MEIS2: variants seen among roughly 807,000 people sequenced by gnomAD.
MEIS2 encodes the protein Meis homeobox 2.
Under a neutral mutation model 58.6 loss-of-function variants are expected in MEIS2, and 9 were observed. The ratio of observed to expected loss-of-function variants is 0.15; its 90% CI spans 0.09 to 0.27. The LOEUF is 0.27. Among genes scored for constraint, MEIS2 ranks in the 10% least tolerant of loss-of-function variants. The probability of loss-of-function intolerance (pLI) is 1.00; values close to 1 mark genes in which losing one functional copy is unlikely to be tolerated. For synonymous variants in MEIS2, 221 were observed against 228.4 expected (o/e 0.97, Z 0.29); for missense variants, 427 against 635.0 (o/e 0.67, Z 3.52).
chr15:36,986,039 C>A (rs2060082618), intron 8 of MEIS2, among the ~76,000 whole-genome samples: 1 of 152,130 alleles, frequency 6.6e-6, no homozygotes, highest in Non-Finnish European at 1.5e-5. Flanking sequence ...CTTGTGTTTT[C>A]ATGGGCATTG....
At chr15:36,896,865 T>C in intron 9 of MEIS2, 179 bp from the exon 10 acceptor site, 1 of 589,854 alleles carries the variant, frequency 1.7e-6, no homozygotes, top group South Asian at 2.2e-5. Context: ...ATCTCCGTCG[T>C]CACTGCGTAG....
At chr15:36,944,477 C>T (rs1673213369) in intron 9 of MEIS2, among the ~76,000 whole-genome samples, 1 of 152,046 alleles carries the variant, frequency 6.6e-6, no homozygotes, top group Non-Finnish European at 1.5e-5. Context: ...TCTAGTTTAG[C>T]AAAAGACTTC....
intron 7 of MEIS2, among the ~76,000 whole-genome samples, chr15:37,083,331 A>G (rs1011854087): frequency 1.3e-5 from 2 of 152,222 alleles, no homozygotes; most frequent in Non-Finnish European, 2.9e-5. Flanking sequence ...TTCCAGAGCT[A>G]ATAAGAACAG....
At chr15:36,900,647 T>A (rs2056420555) in intron 9 of MEIS2, among the ~76,000 whole-genome samples, 1 of 152,194 alleles carries the variant, frequency 6.6e-6, no homozygotes, top group African/African-American at 2.4e-5. Flanking sequence ...ATCACTGTAA[T>A]CTCATCTTAC....
At chr15:37,079,324 T>G (rs1179601280) in intron 7 of MEIS2, among the ~76,000 whole-genome samples, 1 of 152,016 alleles carries the variant, frequency 6.6e-6, no homozygotes, top group African/African-American at 2.4e-5. Flanking sequence ...CTAGGAAAAA[T>G]AAAAGTTAGA....
chr15:37,080,968 G>C (rs753228818), intron 7 of MEIS2, among the ~76,000 whole-genome samples: 92 of 152,104 alleles, frequency 6.0e-4, no homozygotes, highest in Non-Finnish European at 9.6e-4. Flanking sequence ...TTTCACCTGT[G>C]TAACTGTAGC....
At chr15:37,058,555 T>C (rs1888758661) in intron 7 of MEIS2, among the ~76,000 whole-genome samples, 1 of 152,200 alleles carries the variant, frequency 6.6e-6, no homozygotes, top group East Asian at 1.9e-4. Flanking sequence ...AGACACTCAG[T>C]TGTCAAAAGG....
chr15:36,996,473 T>G (rs982036220), intron 8 of MEIS2, among the ~76,000 whole-genome samples: 2 of 152,184 alleles, frequency 1.3e-5, no homozygotes, highest in African/African-American at 4.8e-5. Flanking sequence ...TAGTGGCAGA[T>G]TTGAATACAA....
At chr15:37,033,775 G>T (rs758474678) in intron 8 of MEIS2, among the ~76,000 whole-genome samples, 18 of 152,096 alleles carry the variant, frequency 1.2e-4, no homozygotes, top group Non-Finnish European at 2.1e-4. Context: ...TTAACATGTC[G>T]CTAGTTAGGG....
At chr15:36,994,458 T>C (rs997925544) in intron 8 of MEIS2, among the ~76,000 whole-genome samples, 10 of 152,192 alleles carry the variant, frequency 6.6e-5, no homozygotes, top group Admixed American at 2.0e-4. Context: ...CTTGGGAACT[T>C]TTCCCTCTAA....
intron 7 of MEIS2, among the ~76,000 whole-genome samples, chr15:37,065,586 A>G (rs1889822586): frequency 6.6e-6 from 1 of 152,202 alleles, no homozygotes; most frequent in South Asian, 2.1e-4. Flanking sequence ...CCAGATAAAA[A>G]CAAGATGCTA....
chr15:36,949,072 A>G (rs1220073032), intron 9 of MEIS2, among the ~76,000 whole-genome samples: 2 of 151,996 alleles, frequency 1.3e-5, no homozygotes, highest in African/African-American at 4.8e-5. Flanking sequence ...GTACAGCACT[A>G]GGCATGAAAA....
At chr15:37,098,561 A>T in intron 1 of MEIS2, 1 of 334,884 alleles carries the variant, frequency 3.0e-6, no homozygotes, top group Non-Finnish European at 4.4e-6. Context: ...ATGAAAAAGC[A>T]TGAACCAAGA....
At chr15:37,049,385 A>C (rs2062812929) in intron 7 of MEIS2, among the ~76,000 whole-genome samples, 1 of 152,192 alleles carries the variant, frequency 6.6e-6, no homozygotes. Flanking sequence ...AACTTTGTGA[A>C]TATATTAAAA....
chr15:36,982,118 A>G (rs998961078), intron 8 of MEIS2, among the ~76,000 whole-genome samples: 1 of 152,296 alleles, frequency 6.6e-6, no homozygotes, highest in Non-Finnish European at 1.5e-5. Context: ...TGCACAAGCC[A>G]ATTCACACAA....
At chr15:36,956,324 T>C (rs1169295869) in intron 8 of MEIS2, among the ~76,000 whole-genome samples, 2 of 152,074 alleles carry the variant, frequency 1.3e-5, no homozygotes, top group Non-Finnish European at 2.9e-5. Context: ...TTGGCTTTGG[T>C]AAGAGTTGGG....
Position 37,036,390 on chromosome 15 carries a change from CTTTTT to C in MEIS2, c.900+419_900+423del, listed in dbSNP as rs80180193. On this transcript the variant is annotated intron_variant, in intron 8 of 11. Transcript: ENST00000561208. ...GCTTGGACATGCATGTGGCAAGGTG[CTTTTT>C]TTTTTTTTTTTTTGGCCTCCTAGAG... 15 of 118,150 alleles carry C rather than the reference CTTTTT, an allele frequency of 1.3e-4. No individual in the cohort carries two copies. In the East Asian group the frequency reaches 2.2e-3, roughly 17 times the overall value. 7.3% of individuals were successfully genotyped at this position (118,150 alleles called of 1,614,324 possible).
chr15:37,011,344 G>C (rs2061145068), intron 8 of MEIS2, among the ~76,000 whole-genome samples: 1 of 152,126 alleles, frequency 6.6e-6, no homozygotes, highest in Admixed American at 6.6e-5. Context: ...TTGGATATAA[G>C]TCCAAGATAG....
rs143149782 is a variant in MEIS2 at position 36,938,692 on chromosome 15, G to C, written c.977+11632C>G. Reference sequence around the variant, plus strand: ...TTTTTCCTCTCACTTGCTTTGGCTAGACTTTTATTTTCAGTTCACAGGCTT... The same window carrying C: ...TTTTTCCTCTCACTTGCTTTGGCTACACTTTTATTTTCAGTTCACAGGCTT... On this transcript the variant is annotated intron_variant, in intron 9 of 11. Transcript: ENST00000561208. Among the ~76,000 whole-genome samples, 503 of 152,236 alleles carry C rather than the reference G, an allele frequency of 3.3e-3. 4 individuals are homozygous for C. Among genetic ancestry groups the C allele is most frequent in the Non-Finnish European group, 5.2e-3 (356 of 68,002 alleles).
Sources: allele counts gnomAD v4.1 joint callset (sites outside exome capture counted in the v4.1 genomes callset), GRCh38; gene constraint gnomAD v4.1.1; transcripts MANE v1.5; gene names NCBI Gene and HGNC (gene_info 2026-07-23, HGNC 2026-07-21).